CYFIP1: variants seen among roughly 807,000 people sequenced by gnomAD.
The protein encoded by CYFIP1 is cytoplasmic FMR1-interacting protein 1.
In CYFIP1, 58 loss-of-function variants were observed where a neutral mutation model predicts 163.5. The ratio of observed to expected loss-of-function variants is 0.35; its 90% CI spans 0.29 to 0.44. The LOEUF is 0.44. Ranked by LOEUF, CYFIP1 falls within the 20% of genes least tolerant of loss-of-function variation. CYFIP1 has a pLI of 1.00. For missense variants in CYFIP1, 1,338 were observed against 1,653.8 expected (o/e 0.81, Z 3.31); for synonymous variants, 663 against 660.7 (o/e 1.00, Z -0.05).
chr15:22,965,784 T>A (rs1034909930), intron 1 of CYFIP1, among the ~76,000 whole-genome samples: 1 of 152,124 alleles, frequency 6.6e-6, no homozygotes, highest in Non-Finnish European at 1.5e-5. Context: ...CCCGCTGCCC[T>A]GGTGTCCCCA....
rs560616160 is a variant in CYFIP1 at position 22,913,024 on chromosome 15, C to T, written c.1986-749G>A. ...CAGGTTGGACAACATAGCAAGACCC[C>T]GTCTCCATGAAACACAAAACAATTA... is the stretch of plus-strand genomic sequence containing the variant. On this transcript the variant is annotated intron_variant, in intron 17 of 30. Coordinates refer to ENST00000617928, the MANE Select transcript of CYFIP1 (RefSeq NM_014608.6). Among the ~76,000 whole-genome samples the T allele has an allele frequency of 1.3e-3, 196 of 151,894 alleles. 2 individuals are homozygous for T. The highest frequency in any genetic ancestry group is 4.4e-3 in the African/African-American group (181 of 41,384).
intron 1 of CYFIP1, among the ~76,000 whole-genome samples, chr15:22,977,698 G>T (rs2063325158): frequency 6.6e-6 from 1 of 151,920 alleles, no homozygotes; most frequent in South Asian, 2.1e-4. Flanking sequence ...GGGTGTGGTG[G>T]CAGGCGCCTG....
intron 26 of CYFIP1, among the ~76,000 whole-genome samples, chr15:22,878,494 G>C (rs1304389427): frequency 6.6e-6 from 1 of 152,028 alleles, no homozygotes; most frequent in African/African-American, 2.4e-5. Flanking sequence ...CAGAGAGAAA[G>C]AAGCTTCCTC....
intron 16 of CYFIP1, among the ~76,000 whole-genome samples, chr15:22,915,640 T>C (rs2060948749): frequency 1.3e-5 from 2 of 152,066 alleles, no homozygotes; most frequent in African/African-American, 4.8e-5. Flanking sequence ...TCCCAGCTAC[T>C]TGGGAGGCTG....
chr15:22,912,919 C>CA (rs962413329), intron 17 of CYFIP1, among the ~76,000 whole-genome samples: 1 of 150,420 alleles, frequency 6.6e-6, no homozygotes, highest in South Asian at 2.1e-4. Flanking sequence ...AGACCCTGTC[C>CA]AAAAAAAATG....
intron 3 of CYFIP1, among the ~76,000 whole-genome samples, chr15:22,945,616 C>A (rs2062032566): frequency 6.6e-6 from 1 of 151,696 alleles, no homozygotes; most frequent in Admixed American, 6.6e-5. Flanking sequence ...CTCTGTCCCC[C>A]AGGCTGGAGT....
chr15:22,896,180 G>C (rs2060230418), intron 22 of CYFIP1, among the ~76,000 whole-genome samples: 1 of 152,086 alleles, frequency 6.6e-6, no homozygotes, highest in South Asian at 2.1e-4. Context: ...CAATGTCACT[G>C]CAATCCCCTA....
intron 12 of CYFIP1, 120 bp from the exon 13 acceptor site, chr15:22,926,227 A>G (rs906572269): frequency 7.0e-7 from 1 of 1,434,626 alleles, no homozygotes; most frequent in Non-Finnish European, 9.6e-7. Flanking sequence ...TGCATTCTGA[A>G]AGTCACACAT....
intron 23 of CYFIP1, among the ~76,000 whole-genome samples, chr15:22,883,723 A>G (rs929538275): frequency 1.3e-5 from 2 of 149,652 alleles, no homozygotes; most frequent in African/African-American, 2.5e-5. Context: ...AGGCTGAGGC[A>G]GGAGAATGGC....
chr15:22,937,469 C>T (rs576882343), intron 8 of CYFIP1, among the ~76,000 whole-genome samples: 4 of 152,208 alleles, frequency 2.6e-5, no homozygotes, highest in Admixed American at 2.0e-4. Flanking sequence ...CTAACCCAAG[C>T]GGTAGGGATA....
intron 22 of CYFIP1, among the ~76,000 whole-genome samples, chr15:22,897,840 T>C (rs746559060): frequency 4.5e-4 from 68 of 152,190 alleles, no homozygotes; most frequent in Non-Finnish European, 9.1e-4. Flanking sequence ...TGGCCTTGTG[T>C]GAACGCTGAG....
intron 1 of CYFIP1, among the ~76,000 whole-genome samples, chr15:22,973,156 A>C (rs535601304): frequency 1.3e-4 from 20 of 152,056 alleles, no homozygotes; most frequent in African/African-American, 4.6e-4. Context: ...AACAACAACC[A>C]ACCAAAATTT....
intron 23 of CYFIP1, among the ~76,000 whole-genome samples, chr15:22,891,644 G>A (rs941980092): frequency 2.1e-4 from 32 of 152,188 alleles, no homozygotes; most frequent in African/African-American, 7.5e-4. Context: ...GGAGAGACGG[G>A]CAGCGTATGC....
At chr15:22,924,398 T>C (rs1212931814) in intron 13 of CYFIP1, among the ~76,000 whole-genome samples, 1 of 152,124 alleles carries the variant, frequency 6.6e-6, no homozygotes, top group Non-Finnish European at 1.5e-5. Context: ...CCCTCTAGCC[T>C]GGGTGACAGA....
intron 1 of CYFIP1, among the ~76,000 whole-genome samples, chr15:22,979,788 G>A (rs185318210): frequency 2.0e-5 from 3 of 152,324 alleles, no homozygotes; most frequent in Non-Finnish European, 4.4e-5. Flanking sequence ...CCGCGGACCA[G>A]GCTCCCTCCG....
chr15:22,945,051 C>T (rs2062013988), intron 3 of CYFIP1, 112 bp from the exon 4 acceptor site: 1 of 1,022,012 alleles, frequency 9.8e-7, no homozygotes, highest in Non-Finnish European at 1.5e-6. Flanking sequence ...AGCACTGTGG[C>T]CTGTGTGCCA....
intron 27 of CYFIP1, 34 bp downstream of exon 27, chr15:22,875,165 G>A: frequency 6.2e-7 from 1 of 1,606,100 alleles, no homozygotes. Flanking sequence ...ACAGAGGGCA[G>A]TCTGGACTCC....
In CYFIP1 at chr15:22,932,428, G is replaced by A. The variant is rs1000260259; in HGVS notation, c.993-88C>T. ...AGCTCAGGACGCCTGTTTGGCACCAGAGCCACACAAATGGCTTTTATGTTT... is the reference window on the plus strand; with the variant it reads ...AGCTCAGGACGCCTGTTTGGCACCAAAGCCACACAAATGGCTTTTATGTTT... On this transcript the variant is annotated intron_variant, in intron 10 of 30. Coordinates refer to ENST00000617928, the MANE Select transcript of CYFIP1 (RefSeq NM_014608.6). The A allele has an allele frequency of 1.4e-5, 11 of 793,118 alleles. No homozygotes were observed. In the African/African-American group the frequency reaches 2.0e-4, roughly 14 times the overall value. The allele number at this position is 793,118 out of a possible 1,614,324, so 49.1% of individuals were successfully genotyped here.
At chr15:22,887,627 G>A (rs965057122) in intron 23 of CYFIP1, among the ~76,000 whole-genome samples, 2 of 152,184 alleles carry the variant, frequency 1.3e-5, no homozygotes, top group Admixed American at 6.5e-5. Flanking sequence ...CTGGCCCCCT[G>A]CCCAGTGTCC....
Sources: gnomAD v4.1 joint callset for allele counts (sites outside exome capture counted in the v4.1 genomes callset) on GRCh38, gnomAD v4.1.1 for gene constraint, MANE v1.5 for transcripts, NCBI Gene and HGNC (gene_info 2026-07-23, HGNC 2026-07-21) for gene names.